The following MACROD2 variants were observed in gnomAD, a reference collection of about 807,000 sequenced individuals.
The protein encoded by MACROD2 is mono-ADP ribosylhydrolase 2.
MACROD2 carries 36 observed loss-of-function variants against 70.4 expected under a neutral mutation model. The ratio of observed to expected loss-of-function variants is 0.51; its 90% CI spans 0.39 to 0.68. MACROD2 has a LOEUF of 0.68. Ranked by LOEUF, MACROD2 falls within the 30% of genes least tolerant of loss-of-function variation. MACROD2 has a pLI of 0.00. For missense variants in MACROD2, 496 were observed against 538.4 expected (o/e 0.92, Z 0.78); for synonymous variants, 172 against 178.8 (o/e 0.96, Z 0.30).
chr20:14,192,886 A>G (rs1201150944), intron 3 of MACROD2, among the ~76,000 whole-genome samples: 1 of 152,212 alleles, frequency 6.6e-6, no homozygotes, highest in African/African-American at 2.4e-5. Context: ...TGAAGAAAAA[A>G]TGATCCTTGG....
intron 3 of MACROD2, among the ~76,000 whole-genome samples, chr20:14,261,654 C>T (rs771793261): frequency 4.6e-5 from 7 of 152,050 alleles, no homozygotes; most frequent in Non-Finnish European, 8.8e-5. Context: ...TGAATGAGAA[C>T]GTTATATATG....
chr20:14,581,891 T>C (rs570720228), intron 4 of MACROD2, among the ~76,000 whole-genome samples: 3 of 152,274 alleles, frequency 2.0e-5, no homozygotes, highest in Non-Finnish European at 4.4e-5. Context: ...TTGGCCAATA[T>C]GGGATGGGAG....
At chr20:15,796,148 T>C (rs1210262602) in intron 8 of MACROD2, among the ~76,000 whole-genome samples, 4 of 152,098 alleles carry the variant, frequency 2.6e-5, no homozygotes, top group South Asian at 4.1e-4. Context: ...TGGAAGGAGA[T>C]TGTAATAAGG....
At chr20:14,229,981 ATACTT>A (rs1255074711) in intron 3 of MACROD2, among the ~76,000 whole-genome samples, 2 of 152,250 alleles carry the variant, frequency 1.3e-5, no homozygotes, top group Non-Finnish European at 2.9e-5. Context: ...TGTTTATACT[ATACTT>A]TAGTCTATTA....
intron 5 of MACROD2, among the ~76,000 whole-genome samples, chr20:15,099,517 C>G (rs1227476370): frequency 1.3e-5 from 2 of 152,210 alleles, no homozygotes; most frequent in Admixed American, 1.3e-4. Flanking sequence ...TCTTGGATCC[C>G]TCAGCCTCCA....
chr20:15,379,833 A>C (rs1367566491), intron 6 of MACROD2, among the ~76,000 whole-genome samples: 1 of 152,120 alleles, frequency 6.6e-6, no homozygotes, highest in African/African-American at 2.4e-5. Context: ...AGATTATGTC[A>C]CTCCCATGCT....
At chr20:14,486,232 T>G (rs538951302) in intron 3 of MACROD2, among the ~76,000 whole-genome samples, 13 of 152,226 alleles carry the variant, frequency 8.5e-5, no homozygotes, top group Non-Finnish European at 1.8e-4. Context: ...AGTCATGTTG[T>G]AAAGAACCTT....
intron 8 of MACROD2, among the ~76,000 whole-genome samples, chr20:15,809,876 T>TA (rs1555782132): frequency 3.3e-5 from 5 of 150,780 alleles, no homozygotes; most frequent in African/African-American, 4.9e-5. Context: ...TTTTTTTTTT[T>TA]ATTATACTTT....
intron 4 of MACROD2, among the ~76,000 whole-genome samples, chr20:14,621,523 T>C (rs1176914228): frequency 1.3e-5 from 2 of 152,126 alleles, no homozygotes; most frequent in Non-Finnish European, 2.9e-5. Context: ...TTCAGGAAAG[T>C]CTAACATCAT....
intron 4 of MACROD2, among the ~76,000 whole-genome samples, chr20:14,566,124 A>G (rs1289460387): frequency 6.6e-6 from 1 of 152,050 alleles, no homozygotes; most frequent in South Asian, 2.1e-4. Context: ...CGTGTGATAA[A>G]TATAGGTTTA....
At chr20:16,014,114 C>T (rs1450894997) in intron 15 of MACROD2, among the ~76,000 whole-genome samples, 4 of 152,202 alleles carry the variant, frequency 2.6e-5, no homozygotes, top group African/African-American at 9.7e-5. Flanking sequence ...CAGTGTTGGA[C>T]TCTAGTCTTT....
At chr20:14,468,432 C>G (rs1431447572) in intron 3 of MACROD2, among the ~76,000 whole-genome samples, 2 of 145,858 alleles carry the variant, frequency 1.4e-5, no homozygotes, top group African/African-American at 5.0e-5. Flanking sequence ...AGGATTGCAA[C>G]CCCTGCTTTT....
In MACROD2 at chr20:14,862,096, T is replaced by C. The variant is rs1354472676; in HGVS notation, c.418+177137T>C. On this transcript the variant is annotated intron_variant, in intron 5 of 17. Transcript: ENST00000684519. The stretch of plus-strand genomic sequence containing the variant: ...ATAAATATATAAATATATATAAATA[T>C]ATATTTATACATAAATATATAAATA... 5.5e-4 allele frequency among the ~76,000 whole-genome samples: 15 copies of C among 27,464 alleles called. 4 individuals are homozygous for C. Among genetic ancestry groups the C allele is most frequent in the Non-Finnish European group, 8.1e-4 (14 of 17,356 alleles). The allele number at this position is 27,464 out of a possible 152,430, so 18.0% of individuals were successfully genotyped here.
At chr20:15,490,683 G>T (rs1012100695) in intron 7 of MACROD2, among the ~76,000 whole-genome samples, 1 of 152,180 alleles carries the variant, frequency 6.6e-6, no homozygotes, top group South Asian at 2.1e-4. Flanking sequence ...GAGAGAAAGT[G>T]GGACCAGGGA....
intron 6 of MACROD2, among the ~76,000 whole-genome samples, chr20:15,324,235 C>A (rs2077903463): frequency 6.6e-6 from 1 of 152,108 alleles, no homozygotes; most frequent in African/African-American, 2.4e-5. Flanking sequence ...CAGGCAAGTA[C>A]AATTTTCACA....
intron 8 of MACROD2, among the ~76,000 whole-genome samples, chr20:15,649,074 TCCC>T (rs2049598049): frequency 1.5e-5 from 1 of 66,112 alleles, no homozygotes; most frequent in Non-Finnish European, 3.1e-5. Context: ...TCTCCTCCCC[TCCC>T]CTTCCCTCCC....
intron 5 of MACROD2, among the ~76,000 whole-genome samples, chr20:14,910,726 T>G (rs571292405): frequency 1.3e-5 from 2 of 152,178 alleles, no homozygotes; most frequent in Non-Finnish European, 2.9e-5. Context: ...ACTCAGTTCT[T>G]TATACCAGTT....
In MACROD2 at chr20:14,768,798, A is replaced by G. The variant is rs549420732; in HGVS notation, c.418+83839A>G. 5.3e-5 allele frequency among the ~76,000 whole-genome samples: 8 copies of G among 152,170 alleles called. No individual in the cohort carries two copies. The South Asian group carries it at 1.0e-3, about 20-fold the overall frequency. On this transcript the variant is annotated intron_variant, in intron 5 of 17. Transcript: ENST00000684519. ...CATCCAGCTAATCCTTTGCTCTTTT[A>G]AGAGAGTGTTTGATTGCACATATTC... is the stretch of plus-strand genomic sequence containing the variant.
In MACROD2 at chr20:15,177,135, G is replaced by A. The variant is rs570984264; in HGVS notation, c.419-52805G>A. Among the ~76,000 whole-genome samples the A allele has an allele frequency of 3.9e-5, 6 of 152,312 alleles. No individual in the cohort carries two copies. In the South Asian group the frequency reaches 1.2e-3, roughly 32 times the overall value. ...CTCTGTGCCTGGCTCACCTTTGGTA[G>A]GTGTGGGATCCAGGACAGTAGCGTG... On this transcript the variant is annotated intron_variant, in intron 5 of 17. Coordinates refer to ENST00000684519, the MANE Select transcript of MACROD2 (RefSeq NM_001351661.2).
Sources: gnomAD v4.1 joint callset for allele counts (sites outside exome capture counted in the v4.1 genomes callset) on GRCh38, gnomAD v4.1.1 for gene constraint, MANE v1.5 for transcripts, NCBI Gene and HGNC (gene_info 2026-07-23, HGNC 2026-07-21) for gene names.